Variants in UNC5D observed in about 807,000 individuals in gnomAD.
UNC5D encodes the protein netrin receptor UNC5D.
Under a neutral mutation model 105.4 loss-of-function variants are expected in UNC5D, and 39 were observed. That is an observed-to-expected ratio of 0.37 (90% CI 0.29 to 0.48). The LOEUF (loss-of-function observed/expected upper bound fraction) is 0.48. UNC5D is among the 20% of genes least tolerant of loss of function. UNC5D has a pLI of 0.98. For missense variants in UNC5D, 991 were observed against 1,202.4 expected (o/e 0.82, Z 2.60); for synonymous variants, 452 against 450.4 (o/e 1.00, Z -0.04).
At chr8:35,472,235 G>C (rs1194487098) in intron 1 of UNC5D, among the ~76,000 whole-genome samples, 1 of 152,116 alleles carries the variant, frequency 6.6e-6, no homozygotes, top group Non-Finnish European at 1.5e-5. Context: ...AGTTGTGTAG[G>C]GGATGTGGGC....
At chr8:35,339,878 C>T (rs1326359213) in intron 1 of UNC5D, among the ~76,000 whole-genome samples, 3 of 152,094 alleles carry the variant, frequency 2.0e-5, no homozygotes. Context: ...GGGTTGAGAT[C>T]AAAAAGTAAC....
At chr8:35,298,263 C>T (rs1025808062) in intron 1 of UNC5D, among the ~76,000 whole-genome samples, 1 of 152,156 alleles carries the variant, frequency 6.6e-6, no homozygotes, top group Admixed American at 6.5e-5. Flanking sequence ...TTTTCCTCCT[C>T]AATTTACCCA....
chr8:35,445,425 A>G (rs980204895), intron 1 of UNC5D, among the ~76,000 whole-genome samples: 3 of 152,096 alleles, frequency 2.0e-5, no homozygotes, highest in African/African-American at 4.8e-5. Flanking sequence ...AAAATAATAC[A>G]TTTAACATTT....
intron 1 of UNC5D, among the ~76,000 whole-genome samples, chr8:35,373,775 C>T (rs1802549450): frequency 6.6e-6 from 1 of 152,170 alleles, no homozygotes; most frequent in Non-Finnish European, 1.5e-5. Flanking sequence ...CCAGAGTTAG[C>T]TCACAGTTCA....
chr8:35,337,020 A>T (rs952529897), intron 1 of UNC5D, among the ~76,000 whole-genome samples: 1 of 152,124 alleles, frequency 6.6e-6, no homozygotes, highest in Non-Finnish European at 1.5e-5. Flanking sequence ...TTATTTATAC[A>T]TATAGCTTCT....
chr8:35,349,543 A>T (rs1407780755), intron 1 of UNC5D, among the ~76,000 whole-genome samples: 2 of 151,956 alleles, frequency 1.3e-5, no homozygotes, highest in Non-Finnish European at 2.9e-5. Flanking sequence ...AAAAGCACAA[A>T]TTTTGTCATT....
intron 1 of UNC5D, among the ~76,000 whole-genome samples, chr8:35,383,418 A>G (rs1324861623): frequency 3.3e-5 from 5 of 152,238 alleles, no homozygotes; most frequent in African/African-American, 1.2e-4. Flanking sequence ...TGACTAGGCA[A>G]TGCGAAAAGT....
At chr8:35,305,558 C>CT (rs1808272773) in intron 1 of UNC5D, among the ~76,000 whole-genome samples, 1 of 81,038 alleles carries the variant, frequency 1.2e-5, no homozygotes, top group Admixed American at 1.4e-4. Context: ...TTCTTCTCTT[C>CT]CTTCCTTTCT....
chr8:35,786,397 T>C (rs952041684), intron 16 of UNC5D, among the ~76,000 whole-genome samples: 1 of 152,170 alleles, frequency 6.6e-6, no homozygotes, highest in Admixed American at 6.6e-5. Flanking sequence ...TAGCTTCGTT[T>C]AGCCGTGGGT....
chr8:35,769,268 C>G (rs1801904283), intron 15 of UNC5D, among the ~76,000 whole-genome samples: 1 of 152,110 alleles, frequency 6.6e-6, no homozygotes, highest in South Asian at 2.1e-4. Context: ...GTACCCAACT[C>G]AGAGACCTGA....
intron 1 of UNC5D, among the ~76,000 whole-genome samples, chr8:35,364,712 T>C (rs1335835829): frequency 6.6e-6 from 1 of 152,198 alleles, no homozygotes; most frequent in Non-Finnish European, 1.5e-5. Flanking sequence ...GTATATATAC[T>C]AAAATCCACA....
chr8:35,663,540 CTG>C (rs1824238959), intron 4 of UNC5D, among the ~76,000 whole-genome samples: 1 of 152,092 alleles, frequency 6.6e-6, no homozygotes, highest in Non-Finnish European at 1.5e-5. Flanking sequence ...GTAACCATGT[CTG>C]AGAGTCTTTC....
chr8:35,247,479 A>G (rs1377230818), intron 1 of UNC5D, among the ~76,000 whole-genome samples: 1 of 138,092 alleles, frequency 7.2e-6, no homozygotes, highest in African/African-American at 2.7e-5. Context: ...AAATTTGTTC[A>G]GTATGAATCT....
chr8:35,602,591 G>A (rs1334811458), intron 4 of UNC5D, among the ~76,000 whole-genome samples: 2 of 152,150 alleles, frequency 1.3e-5, no homozygotes, highest in Non-Finnish European at 1.5e-5. Context: ...TTGCATAGAG[G>A]TGTTTATAGT....
chr8:35,396,174 G>A (rs755905114), intron 1 of UNC5D, among the ~76,000 whole-genome samples: 5 of 152,080 alleles, frequency 3.3e-5, no homozygotes, highest in Non-Finnish European at 5.9e-5. Context: ...TCTACATTTA[G>A]GAATTTGATC....
chr8:35,477,519 G>A (rs1810188738), intron 1 of UNC5D, among the ~76,000 whole-genome samples: 1 of 151,928 alleles, frequency 6.6e-6, no homozygotes, highest in Admixed American at 6.6e-5. Context: ...GCTAATTTTT[G>A]TAAGAAAGAA....
chr8:35,307,280 A>C (rs1485343137), intron 1 of UNC5D, among the ~76,000 whole-genome samples: 1 of 152,194 alleles, frequency 6.6e-6, no homozygotes, highest in African/African-American at 2.4e-5. Flanking sequence ...AACAGAACTT[A>C]ACTTTGAGGT....
intron 1 of UNC5D, among the ~76,000 whole-genome samples, chr8:35,249,114 T>C (rs1803499984): frequency 7.7e-6 from 1 of 129,898 alleles, no homozygotes; most frequent in African/African-American, 2.9e-5. Context: ...ATATATATAT[T>C]ATATATATAA....
chr8:35,309,783 G>A (rs1262107820), intron 1 of UNC5D, among the ~76,000 whole-genome samples: 2 of 152,012 alleles, frequency 1.3e-5, no homozygotes, highest in African/African-American at 4.8e-5. Context: ...AGATTCCAAG[G>A]TTCTATCTCC....
Sources: allele counts gnomAD v4.1 joint callset (sites outside exome capture counted in the v4.1 genomes callset), GRCh38; gene constraint gnomAD v4.1.1; transcripts MANE v1.5; gene names NCBI Gene and HGNC (gene_info 2026-07-23, HGNC 2026-07-21).